The following EPB41L4A variants were observed in gnomAD, a reference collection of about 807,000 sequenced individuals.
The protein encoded by EPB41L4A is erythrocyte membrane protein band 4.1 like 4A.
Under a neutral mutation model 108.6 loss-of-function variants are expected in EPB41L4A, and 100 were observed. That is an observed-to-expected ratio of 0.92 (90% CI 0.78 to 1.09). EPB41L4A has a LOEUF of 1.09. Ranked by LOEUF, EPB41L4A falls within the 50% of genes least tolerant of loss-of-function variation. EPB41L4A has a pLI of 0.00. For synonymous variants in EPB41L4A, 319 were observed against 289.0 expected, an observed-to-expected ratio of 1.10 and a Z score of -1.05; for missense variants, 1,030 against 842.7, an observed-to-expected ratio of 1.22 and a Z score of -2.75.
intron 2 of EPB41L4A, among the ~76,000 whole-genome samples, chr5:112,280,648 T>C (rs1446669652): frequency 6.6e-6 from 1 of 152,034 alleles, no homozygotes; most frequent in African/African-American, 2.4e-5. Context: ...AAATTAAAAA[T>C]AAAATACAAA....
chr5:112,345,780 T>TATAC (rs1554101055), intron 1 of EPB41L4A, among the ~76,000 whole-genome samples: 8 of 74,604 alleles, frequency 1.1e-4, no homozygotes, highest in Non-Finnish European at 2.5e-4. Flanking sequence ...TATATATATA[T>TATAC]ACACACACAC....
At chr5:112,234,156 A>G (rs1749155647) in intron 12 of EPB41L4A, among the ~76,000 whole-genome samples, 1 of 149,864 alleles carries the variant, frequency 6.7e-6, no homozygotes, top group Middle Eastern at 3.2e-3. Flanking sequence ...CTATCTCAAT[A>G]AAATAAAATA....
intron 15 of EPB41L4A, among the ~76,000 whole-genome samples, chr5:112,201,141 GA>G (rs1405949088): frequency 6.6e-6 from 1 of 152,196 alleles, no homozygotes; most frequent in Non-Finnish European, 1.5e-5. Flanking sequence ...ATACTGGGAA[GA>G]AACAGAGAAG....
intron 1 of EPB41L4A, among the ~76,000 whole-genome samples, chr5:112,349,448 C>G (rs1217242299): frequency 2.6e-5 from 4 of 151,956 alleles, no homozygotes; most frequent in South Asian, 2.1e-4. Context: ...TTTGCTGAGA[C>G]CGAGGAGGAG....
rs905555114 is a variant in EPB41L4A, at chr5:112,164,964, C to T, written c.*26G>A. ...ACCAGTGGCGCACACAACCTTCCCA[C>T]CCCTACCCTTGACCCTTCATCAGGA... On this transcript the variant is annotated 3_prime_UTR_variant, in exon 23 of 23. Coordinates refer to ENST00000261486, the MANE Select transcript of EPB41L4A (RefSeq NM_022140.5). The T allele has an allele frequency of 1.3e-6, 2 of 1,598,618 alleles. No homozygotes were observed. The highest frequency in any genetic ancestry group is 2.7e-5 in the African/African-American group (2 of 73,978).
chr5:112,168,514 C>G (rs1580355580), intron 22 of EPB41L4A, among the ~76,000 whole-genome samples: 1 of 152,234 alleles, frequency 6.6e-6, no homozygotes, highest in East Asian at 1.9e-4. Context: ...CTGTGCCCCA[C>G]TACCTCTACC....
intron 4 of EPB41L4A, among the ~76,000 whole-genome samples, chr5:112,273,032 A>G (rs1260274576): frequency 6.6e-6 from 1 of 152,218 alleles, no homozygotes; most frequent in Non-Finnish European, 1.5e-5. Flanking sequence ...TCTTCCTTAA[A>G]TAGCATATAT....
chr5:112,225,529 CT>C (rs1040985159), intron 12 of EPB41L4A, among the ~76,000 whole-genome samples: 2 of 152,166 alleles, frequency 1.3e-5, no homozygotes, highest in African/African-American at 4.8e-5. Flanking sequence ...ATCTGTAGGG[CT>C]TTTGAAAAGT....
At chr5:112,409,687 T>G (rs1460039644) in intron 1 of EPB41L4A, among the ~76,000 whole-genome samples, 1 of 152,166 alleles carries the variant, frequency 6.6e-6, no homozygotes, top group East Asian at 1.9e-4. Flanking sequence ...GGAACTAGGC[T>G]TGACTGGGAA....
chr5:112,221,429 T>G (rs1479578810), intron 12 of EPB41L4A, among the ~76,000 whole-genome samples: 1 of 152,248 alleles, frequency 6.6e-6, no homozygotes, highest in East Asian at 1.9e-4. Flanking sequence ...TTACCCATTG[T>G]AAATTGATCC....
At chr5:112,221,913 C>T (rs1319308493) in intron 12 of EPB41L4A, among the ~76,000 whole-genome samples, 6 of 152,274 alleles carry the variant, frequency 3.9e-5, no homozygotes, top group Admixed American at 2.0e-4. Context: ...ACTCGCCATA[C>T]ATTAATAAAT....
intron 1 of EPB41L4A, among the ~76,000 whole-genome samples, chr5:112,369,274 T>C (rs1759333853): frequency 6.6e-6 from 1 of 152,192 alleles, no homozygotes; most frequent in Non-Finnish European, 1.5e-5. Context: ...CTGTACCAGT[T>C]CAATTTCTTA....
At chr5:112,393,829 C>T (rs954204795) in intron 1 of EPB41L4A, among the ~76,000 whole-genome samples, 1 of 151,974 alleles carries the variant, frequency 6.6e-6, no homozygotes, top group Admixed American at 6.6e-5. Flanking sequence ...AACATCGATG[C>T]AAAAATCCTC....
chr5:112,240,690 CAACA>C (rs760913800), intron 10 of EPB41L4A, 25 bp downstream of exon 10: 325 of 1,304,166 alleles, frequency 2.5e-4, no homozygotes, highest in Admixed American at 5.5e-4. Context: ...TTTATTAAGA[CAACA>C]AACAAAATTT....
At chr5:112,351,847 G>A (rs1470104497) in intron 1 of EPB41L4A, among the ~76,000 whole-genome samples, 4 of 152,106 alleles carry the variant, frequency 2.6e-5, no homozygotes, top group South Asian at 2.1e-4. Flanking sequence ...GTCAATAAAC[G>A]CAAATCAATA....
Position 112,178,719 on chromosome 5 carries a change from C to T in EPB41L4A, c.1622+5297G>A, listed in dbSNP as rs530509309. Among the ~76,000 whole-genome samples, 5 of 151,670 alleles carry T rather than the reference C, an allele frequency of 3.3e-5. No individual in the cohort carries two copies. In the South Asian group the frequency reaches 8.3e-4, roughly 25 times the overall value. ...AAGATACATTAAAAATTATTTTGAACTGTATGATAACAAAAACAATGTCAA... is the reference window on the plus strand; with the variant it reads ...AAGATACATTAAAAATTATTTTGAATTGTATGATAACAAAAACAATGTCAA... On this transcript the variant is annotated intron_variant, in intron 18 of 22. Transcript: ENST00000261486.
chr5:112,332,497 G>C (rs1756630737), intron 1 of EPB41L4A, among the ~76,000 whole-genome samples: 1 of 152,098 alleles, frequency 6.6e-6, no homozygotes, highest in Non-Finnish European at 1.5e-5. Context: ...TAAAACTCTG[G>C]CTGAAGAGAG....
At chr5:112,352,334 A>T (rs7716246) in intron 1 of EPB41L4A, among the ~76,000 whole-genome samples, 10,586 of 152,208 alleles carry the variant, frequency 0.07, 1,015 homozygotes, top group African/African-American at 0.22. Context: ...AGAACTTTTT[A>T]AATTTCCTTC....
rs1760024714 is a variant in EPB41L4A at position 112,163,236 on chromosome 5, G to A, written c.*1754C>T. On this transcript the variant is annotated 3_prime_UTR_variant, in exon 23 of 23. Transcript: ENST00000261486. ...AACTAGACGTGGTAATAGTGGAGGT[G>A]TCCATAACTGCTAGGTGTCCAGCTT... The A allele has an allele frequency of 6.6e-6, 1 of 152,214 alleles. No homozygotes were observed. The highest frequency in any genetic ancestry group is 1.5e-5 in the Non-Finnish European group (1 of 68,040). 9.4% of individuals were successfully genotyped at this position (152,214 alleles called of 1,614,324 possible).
Sources: allele counts gnomAD v4.1 joint callset (sites outside exome capture counted in the v4.1 genomes callset), GRCh38; gene constraint gnomAD v4.1.1; transcripts MANE v1.5; gene names NCBI Gene and HGNC (gene_info 2026-07-23, HGNC 2026-07-21).